Variants in CLINT1 observed in about 807,000 individuals in gnomAD.
The protein encoded by CLINT1 is clathrin interacting protein localized in the trans-Golgi region.
Under a neutral mutation model 70.4 loss-of-function variants are expected in CLINT1, and 15 were observed. The ratio of observed to expected loss-of-function variants is 0.21; its 90% CI spans 0.14 to 0.33. The LOEUF (loss-of-function observed/expected upper bound fraction) is 0.33, where lower values mean the gene tolerates loss of function less well. Ranked by LOEUF, CLINT1 falls within the 10% of genes least tolerant of loss-of-function variation. The probability of loss-of-function intolerance (pLI) is 1.00; values close to 1 mark genes in which losing one functional copy is unlikely to be tolerated. For missense variants in CLINT1, 615 were observed against 778.1 expected (o/e 0.79, Z 2.49); for synonymous variants, 227 against 254.7 (o/e 0.89, Z 1.04).
chr5:157,825,288 C>T (rs1763001678), intron 1 of CLINT1, among the ~76,000 whole-genome samples: 2 of 151,994 alleles, frequency 1.3e-5, no homozygotes, highest in Admixed American at 6.6e-5. Flanking sequence ...CTTCTGTTTT[C>T]CTCTTTACTT....
chr5:157,801,332 C>T (rs984367113), intron 8 of CLINT1, among the ~76,000 whole-genome samples: 1 of 151,204 alleles, frequency 6.6e-6, no homozygotes, highest in Non-Finnish European at 1.5e-5. Flanking sequence ...CATGGAGAAA[C>T]CCTGTCTCTA....
At chr5:157,828,341 G>C (rs1447475915) in intron 1 of CLINT1, among the ~76,000 whole-genome samples, 4 of 152,152 alleles carry the variant, frequency 2.6e-5, no homozygotes, top group Admixed American at 2.6e-4. Context: ...ATGAAAAATA[G>C]CTTCCAAAAT....
At chr5:157,812,026 A>T (rs917289777) in intron 5 of CLINT1, among the ~76,000 whole-genome samples, 6 of 152,194 alleles carry the variant, frequency 3.9e-5, no homozygotes, top group Non-Finnish European at 8.8e-5. Flanking sequence ...CCCTATTTAA[A>T]AAAAAGAAAA....
chr5:157,812,122 C>A (rs1299179210), intron 5 of CLINT1, among the ~76,000 whole-genome samples: 1 of 151,742 alleles, frequency 6.6e-6, no homozygotes, highest in African/African-American at 2.4e-5. Flanking sequence ...GCTAACTAAA[C>A]GCAGTGTTTT....
chr5:157,832,394 C>G (rs974725574), intron 1 of CLINT1, among the ~76,000 whole-genome samples: 2 of 152,140 alleles, frequency 1.3e-5, no homozygotes, highest in Non-Finnish European at 2.9e-5. Context: ...AAAATGATCT[C>G]AGGGGCATAT....
In CLINT1 at chr5:157,787,871, C is replaced by T. The variant is rs1326330118; in HGVS notation, c.1653G>A (p.Met551Ile). The T allele has an allele frequency of 6.2e-7, 1 of 1,613,886 alleles. No homozygotes were observed. Among genetic ancestry groups the T allele is most frequent in the Admixed American group, 1.7e-5 (1 of 59,994 alleles). ...TGCCAGTCATCACATTGGGCATGCT[C>T]ATAGGCATGGGTCCCCCTATCAAAG... Reference protein sequence around the residue: ...TNALIGGPMPMSMPNVMTGTM... With the variant: ...TNALIGGPMPISMPNVMTGTM... The change falls in exon 12 of 12, where the codon ATG becomes ATA. Residue 551 changes from methionine (M) to isoleucine (I), a missense_variant. Around this residue, in one of 2 missense-constraint regions of CLINT1, gnomAD observed 374 missense variants for 409.6 expected, o/e 0.91. Transcript: ENST00000411809.
intron 5 of CLINT1, 91 bp from the exon 6 acceptor site, chr5:157,809,896 A>C: frequency 7.8e-7 from 1 of 1,274,194 alleles, no homozygotes. Flanking sequence ...TTTCCTCATA[A>C]TAAAATCATT....
intron 1 of CLINT1, among the ~76,000 whole-genome samples, chr5:157,824,210 T>C (rs1051844337): frequency 6.6e-6 from 1 of 152,208 alleles, no homozygotes; most frequent in Non-Finnish European, 1.5e-5. Flanking sequence ...TAATGAACCT[T>C]GTGATATTCA....
At chr5:157,854,879 C>T (rs958995470) in intron 1 of CLINT1, among the ~76,000 whole-genome samples, 1 of 152,114 alleles carries the variant, frequency 6.6e-6, no homozygotes, top group African/African-American at 2.4e-5. Context: ...CAAGGTGGCT[C>T]ATGCCTGTAA....
chr5:157,854,344 G>T (rs1463903288), intron 1 of CLINT1, among the ~76,000 whole-genome samples: 1 of 152,216 alleles, frequency 6.6e-6, no homozygotes, highest in Non-Finnish European at 1.5e-5. Flanking sequence ...TGCGCTTCAG[G>T]ATGCTGAGGC....
intron 1 of CLINT1, among the ~76,000 whole-genome samples, chr5:157,826,287 T>C (rs1763034963): frequency 6.6e-6 from 1 of 152,166 alleles, no homozygotes; most frequent in Non-Finnish European, 1.5e-5. Context: ...GGATAATGAA[T>C]ACATATCGTC....
chr5:157,792,042 A>T, intron 9 of CLINT1, 47 bp from the exon 10 acceptor site: 1 of 1,512,110 alleles, frequency 6.6e-7, no homozygotes, highest in Non-Finnish European at 9.0e-7. Context: ...TGGAATGCAC[A>T]GAACAAATGT....
intron 8 of CLINT1, among the ~76,000 whole-genome samples, chr5:157,799,558 T>C (rs1348663495): frequency 6.6e-6 from 1 of 152,138 alleles, no homozygotes; most frequent in African/African-American, 2.4e-5. Context: ...AACAGTATGT[T>C]AATCAAGACC....
chr5:157,789,625 T>C, intron 10 of CLINT1, 112 bp from the exon 11 acceptor site: 3 of 1,401,070 alleles, frequency 2.1e-6, no homozygotes, highest in Non-Finnish European at 3.0e-6. Flanking sequence ...AATTATCAGA[T>C]GGCAATTTAA....
At chr5:157,804,652 C>T (rs910994358) in intron 7 of CLINT1, among the ~76,000 whole-genome samples, 1 of 151,966 alleles carries the variant, frequency 6.6e-6, no homozygotes, top group African/African-American at 2.4e-5. Flanking sequence ...CTGCCGGGCG[C>T]GGTGGCTCAA....
intron 8 of CLINT1, chr5:157,795,224 C>T: frequency 2.4e-6 from 1 of 421,452 alleles, no homozygotes; most frequent in Non-Finnish European, 4.2e-6. Flanking sequence ...AAAATTATCT[C>T]ACTAATATTT....
At position 157,792,011 on chromosome 5, in the gene CLINT1, C is replaced by T. The variant is rs1761928231; in HGVS notation, c.1088-16G>A. On this transcript the variant is annotated splice_polypyrimidine_tract_variant and intron_variant, in intron 9 of 11. Transcript: ENST00000411809. ...GTTGCTGTTACTAAGACAGAAATAACTCTAAGGGTAAGAAACTTCATGGAA... is the reference window on the plus strand; with the variant it reads ...GTTGCTGTTACTAAGACAGAAATAATTCTAAGGGTAAGAAACTTCATGGAA... The T allele has an allele frequency of 6.2e-7, 1 of 1,602,544 alleles. No homozygotes were observed.
chr5:157,843,947 C>G (rs1753281828), intron 1 of CLINT1, among the ~76,000 whole-genome samples: 1 of 152,046 alleles, frequency 6.6e-6, no homozygotes, highest in South Asian at 2.1e-4. Context: ...TGCCAAATAT[C>G]AGATGCTAAT....
chr5:157,829,483 G>A (rs1763150873), intron 1 of CLINT1, among the ~76,000 whole-genome samples: 1 of 152,118 alleles, frequency 6.6e-6, no homozygotes, highest in African/African-American at 2.4e-5. Flanking sequence ...ACTTCTCAGA[G>A]ACTATTATTT....
Sources: allele counts gnomAD v4.1 joint callset (sites outside exome capture counted in the v4.1 genomes callset), GRCh38; gene constraint gnomAD v4.1.1; regional missense constraint gnomAD v4.1.1; transcripts MANE v1.5; gene names NCBI Gene and HGNC (gene_info 2026-07-23, HGNC 2026-07-21).